RSBN1L: variants seen among roughly 807,000 people sequenced by gnomAD.
RSBN1L encodes the protein round spermatid basic protein 1 like, also known as lysine-specific demethylase RSBN1L.
RSBN1L carries 30 observed loss-of-function variants against 67.7 expected under a neutral mutation model. The observed-to-expected ratio is 0.44, with a 90% CI of 0.33 to 0.60. The LOEUF is 0.60. Ranked by LOEUF, RSBN1L falls within the 20% of genes least tolerant of loss-of-function variation. The pLI is 0.02. For missense variants in RSBN1L, 992 were observed against 1,031.7 expected, an observed-to-expected ratio of 0.96 and a Z score of 0.53; for synonymous variants, 433 against 387.0, an observed-to-expected ratio of 1.12 and a Z score of -1.39.
intron 6 of RSBN1L, among the ~76,000 whole-genome samples, chr7:77,777,023 C>G (rs1168568686): frequency 6.6e-6 from 1 of 150,728 alleles, no homozygotes; most frequent in African/African-American, 2.4e-5. Context: ...CATTTTACCT[C>G]CATGATTTGG....
At chr7:77,711,785 G>A (rs1412391959) in intron 1 of RSBN1L, among the ~76,000 whole-genome samples, 1 of 152,164 alleles carries the variant, frequency 6.6e-6, no homozygotes, top group Non-Finnish European at 1.5e-5. Flanking sequence ...TAAGTACAGT[G>A]TAAATTTTTA....
At chr7:77,770,095 G>A (rs891080400) in intron 5 of RSBN1L, among the ~76,000 whole-genome samples, 5 of 152,198 alleles carry the variant, frequency 3.3e-5, no homozygotes, top group African/African-American at 9.6e-5. Context: ...TAGTTAGGCC[G>A]GGTGCAGTGG....
At chr7:77,750,719 C>T (rs1201447284) in intron 3 of RSBN1L, among the ~76,000 whole-genome samples, 1 of 152,090 alleles carries the variant, frequency 6.6e-6, no homozygotes, top group Non-Finnish European at 1.5e-5. Context: ...ACTGTTTAGT[C>T]TGGAGATTGG....
chr7:77,717,638 TTATAA>T (rs893696522), intron 1 of RSBN1L, among the ~76,000 whole-genome samples: 59 of 152,332 alleles, frequency 3.9e-4, no homozygotes, highest in African/African-American at 1.3e-3. Flanking sequence ...AGCAGGATAC[TTATAA>T]TATATACTGC....
At chr7:77,744,172 C>T (rs543615918) in intron 2 of RSBN1L, among the ~76,000 whole-genome samples, 61 of 152,002 alleles carry the variant, frequency 4.0e-4, no homozygotes, top group Middle Eastern at 3.4e-3. Flanking sequence ...GCTGGGACTA[C>T]GGGCATGTAC....
intron 3 of RSBN1L, among the ~76,000 whole-genome samples, chr7:77,758,575 C>T (rs1205799260): frequency 6.6e-6 from 1 of 152,088 alleles, no homozygotes; most frequent in Non-Finnish European, 1.5e-5. Context: ...AAATCGTAGG[C>T]TTTATTCATT....
chr7:77,765,360 T>C (rs1044112289), intron 3 of RSBN1L, 135 bp from the exon 4 acceptor site: 4 of 685,636 alleles, frequency 5.8e-6, no homozygotes, highest in Non-Finnish European at 8.8e-6. Context: ...CTCATTATGA[T>C]ATAATATTCT....
intron 2 of RSBN1L, among the ~76,000 whole-genome samples, chr7:77,743,756 A>G (rs1013170433): frequency 6.6e-6 from 1 of 152,214 alleles, no homozygotes; most frequent in Non-Finnish European, 1.5e-5. Context: ...AGTTGTATTT[A>G]GGAATGTCAT....
chr7:77,763,317 A>T (rs1337532139), intron 3 of RSBN1L, among the ~76,000 whole-genome samples: 1 of 152,050 alleles, frequency 6.6e-6, no homozygotes, highest in Non-Finnish European at 1.5e-5. Context: ...AGCACTTGGA[A>T]AATTTGTGTT....
intron 1 of RSBN1L, among the ~76,000 whole-genome samples, chr7:77,729,444 C>T (rs1268620759): frequency 6.6e-6 from 1 of 152,180 alleles, no homozygotes; most frequent in East Asian, 1.9e-4. Flanking sequence ...TTACTAAGAA[C>T]AGGTGTTCCA....
intron 1 of RSBN1L, among the ~76,000 whole-genome samples, chr7:77,722,253 T>C (rs1182677413): frequency 2.0e-5 from 3 of 152,056 alleles, no homozygotes; most frequent in Non-Finnish European, 4.4e-5. Context: ...ATTTGGAGAT[T>C]AGTTTGCCAC....
chr7:77,717,792 C>T (rs545105261), intron 1 of RSBN1L, among the ~76,000 whole-genome samples: 1 of 152,144 alleles, frequency 6.6e-6, no homozygotes, highest in South Asian at 2.1e-4. Flanking sequence ...CTGAGGTGGG[C>T]GGATCACCTG....
intron 3 of RSBN1L, among the ~76,000 whole-genome samples, chr7:77,758,558 T>G (rs1278856067): frequency 2.6e-5 from 4 of 152,204 alleles, no homozygotes; most frequent in Admixed American, 6.5e-5. Context: ...CACCCTGTTG[T>G]GCAGTGAAAT....
At chr7:77,763,750 T>TGGCCTGATGACAGCTCACTGCAGC (rs1791726405) in intron 3 of RSBN1L, among the ~76,000 whole-genome samples, 1 of 152,162 alleles carries the variant, frequency 6.6e-6, no homozygotes, top group Non-Finnish European at 1.5e-5. Context: ...TGGAGTGCAG[T>TGGCCTGATGACAGCTCACTGCAGC]GGCCTGATGA....
chr7:77,741,314 T>C (rs549529586), intron 2 of RSBN1L, among the ~76,000 whole-genome samples: 3 of 152,118 alleles, frequency 2.0e-5, no homozygotes, highest in Admixed American at 1.3e-4. Flanking sequence ...CTTACACTTT[T>C]GAAGGGGCAG....
intron 4 of RSBN1L, among the ~76,000 whole-genome samples, chr7:77,767,651 A>C (rs1791788082): frequency 6.6e-6 from 1 of 151,654 alleles, no homozygotes; most frequent in Non-Finnish European, 1.5e-5. Flanking sequence ...TTGGGATTAC[A>C]GGCCTGAGCC....
In RSBN1L at chr7:77,731,277, G is replaced by A. The variant is rs1370925222; in HGVS notation, c.587-5133G>A. 3.9e-5 allele frequency among the ~76,000 whole-genome samples: 6 copies of A among 151,936 alleles called. No individual in the cohort carries two copies. The East Asian group carries it at 1.2e-3, about 29-fold the overall frequency. ...CATCCAGGCTTGAGTGCAGTGGCAC[G>A]ATCTCTGCTCCCTGCAACCTCTGTC... On this transcript the variant is annotated intron_variant, in intron 1 of 7. Coordinates refer to ENST00000334955, the MANE Select transcript of RSBN1L (RefSeq NM_198467.3).
At chr7:77,714,341 C>T (rs1158386636) in intron 1 of RSBN1L, among the ~76,000 whole-genome samples, 1 of 152,124 alleles carries the variant, frequency 6.6e-6, no homozygotes, top group Non-Finnish European at 1.5e-5. Flanking sequence ...TTTATCACCG[C>T]AGAAAGTTCT....
intron 3 of RSBN1L, among the ~76,000 whole-genome samples, chr7:77,753,050 C>T (rs1791574175): frequency 6.6e-6 from 1 of 152,154 alleles, no homozygotes; most frequent in Non-Finnish European, 1.5e-5. Context: ...ATCTTGTTAC[C>T]ATATGGATGG....
Sources: allele counts gnomAD v4.1 joint callset (sites outside exome capture counted in the v4.1 genomes callset), GRCh38; gene constraint gnomAD v4.1.1; transcripts MANE v1.5; gene names NCBI Gene and HGNC (gene_info 2026-07-23, HGNC 2026-07-21).